Variants in KCND3 observed in about 807,000 individuals in gnomAD.
KCND3 encodes the protein A-type voltage-gated potassium channel KCND3.
A neutral mutation model predicts 51.1 loss-of-function variants in KCND3; 9 were observed. The ratio of observed to expected loss-of-function variants is 0.18; its 90% CI spans 0.11 to 0.31. KCND3 has a LOEUF of 0.31. Among genes scored for constraint, KCND3 ranks in the 10% least tolerant of loss-of-function variants. KCND3 has a pLI of 1.00. For missense variants in KCND3, 526 were observed against 903.8 expected (o/e 0.58, Z 5.36); for synonymous variants, 349 against 368.0 (o/e 0.95, Z 0.59).
chr1:111,932,161 T>C (rs1672005731), intron 2 of KCND3, among the ~76,000 whole-genome samples: 1 of 152,214 alleles, frequency 6.6e-6, no homozygotes, highest in African/African-American at 2.4e-5. Context: ...TGGGCCCACC[T>C]GGATAACCCA....
At chr1:111,907,927 T>C (rs538726234) in intron 2 of KCND3, among the ~76,000 whole-genome samples, 1 of 152,142 alleles carries the variant, frequency 6.6e-6, no homozygotes, top group Non-Finnish European at 1.5e-5. Flanking sequence ...CAGAACACAC[T>C]GCCTGTCTTA....
rs141406771 is a variant in KCND3, at chr1:111,842,953, G to A, written c.1107-55847C>T. 5.4e-3 allele frequency among the ~76,000 whole-genome samples: 829 copies of A among 152,308 alleles called. 13 individuals carry two copies. The highest frequency in any genetic ancestry group is 0.019 in the African/African-American group (785 of 41,558). On this transcript the variant is annotated intron_variant, in intron 2 of 7. Transcript: ENST00000302127. ...ATCTTGAGGGCAAAGATTATGCTAT[G>A]TTTATTTTTGGCATGGTTAGCATCT...
chr1:111,866,439 AT>A (rs1369856075), intron 2 of KCND3, among the ~76,000 whole-genome samples: 1 of 151,368 alleles, frequency 6.6e-6, no homozygotes, highest in Non-Finnish European at 1.5e-5. Flanking sequence ...CAATTTTTGT[AT>A]TTTTTGTAGA....
chr1:111,841,566 C>T (rs10857910), intron 2 of KCND3, among the ~76,000 whole-genome samples: 18,682 of 152,240 alleles, frequency 0.12, 1,573 homozygotes, highest in East Asian at 0.42. Context: ...GTTAAATTCT[C>T]TGAGGTGTCT....
chr1:111,860,169 A>G (rs1668268068), intron 2 of KCND3, among the ~76,000 whole-genome samples: 1 of 152,248 alleles, frequency 6.6e-6, no homozygotes, highest in Admixed American at 6.5e-5. Context: ...CTGAGCATGT[A>G]CTTAGTGCCA....
intron 2 of KCND3, among the ~76,000 whole-genome samples, chr1:111,797,193 T>A (rs1333705562): frequency 1.3e-5 from 2 of 152,226 alleles, no homozygotes; most frequent in Non-Finnish European, 2.9e-5. Flanking sequence ...ATGTTGGTGA[T>A]CTGGGGACTA....
At chr1:111,802,314 G>A (rs17028581) in intron 2 of KCND3, among the ~76,000 whole-genome samples, 8,435 of 152,160 alleles carry the variant, frequency 0.055, 755 homozygotes, top group African/African-American at 0.19. Context: ...TGAAAGCACC[G>A]CCTGCTCCTC....
At chr1:111,844,196 T>C (rs1667451193) in intron 2 of KCND3, among the ~76,000 whole-genome samples, 2 of 152,100 alleles carry the variant, frequency 1.3e-5, no homozygotes, top group African/African-American at 4.8e-5. Context: ...GGGAAGAACA[T>C]GAGATGAAAG....
intron 2 of KCND3, among the ~76,000 whole-genome samples, chr1:111,947,401 C>T (rs4839192): frequency 0.99 from 151,409 of 152,374 alleles, 75,232 homozygotes; most frequent in Middle Eastern, 1. Flanking sequence ...AGAACATTTC[C>T]ACAGCACTTT....
chr1:111,967,689 C>T (rs1052072710), intron 2 of KCND3, among the ~76,000 whole-genome samples: 2 of 152,226 alleles, frequency 1.3e-5, no homozygotes, highest in African/African-American at 4.8e-5. Context: ...GGGGCTGGTT[C>T]TCCAGGGTAA....
At chr1:111,810,796 A>ATTT (rs1170746177) in intron 2 of KCND3, among the ~76,000 whole-genome samples, 1 of 152,020 alleles carries the variant, frequency 6.6e-6, no homozygotes, top group Non-Finnish European at 1.5e-5. Context: ...ACTTGGCTAT[A>ATTT]TTTTTTTTCC....
intron 2 of KCND3, among the ~76,000 whole-genome samples, chr1:111,788,719 T>G (rs574009305): frequency 4.7e-4 from 71 of 152,276 alleles, no homozygotes; most frequent in Middle Eastern, 3.4e-3. Context: ...TCCAGGGAAG[T>G]GGTTGAGAAC....
At chr1:111,878,146 G>C (rs944353347) in intron 2 of KCND3, among the ~76,000 whole-genome samples, 1 of 152,204 alleles carries the variant, frequency 6.6e-6, no homozygotes, top group Non-Finnish European at 1.5e-5. Context: ...CTTGCCTCTG[G>C]GTTAGTGGAA....
Position 111,808,054 on chromosome 1 carries a change from T to C in KCND3, c.1107-20948A>G, listed in dbSNP as rs1665662229. ...TTAAGTAAGCAACGAATGGGTTTAT[T>C]AAATGCTAAATAAACACAGCTGAAG... On this transcript the variant is annotated intron_variant, in intron 2 of 7. Coordinates refer to ENST00000302127, the MANE Select transcript of KCND3 (RefSeq NM_001378969.1). Among the ~76,000 whole-genome samples, 2 of 152,226 alleles carry C rather than the reference T, an allele frequency of 1.3e-5. 1 individual carries two copies. The highest frequency in any genetic ancestry group is 4.8e-5 in the African/African-American group (2 of 41,468).
In KCND3 at chr1:111,780,971, A is replaced by G. The variant is rs530426245; in HGVS notation, c.1270-180T>C. On this transcript the variant is annotated intron_variant, in intron 3 of 7. Transcript: ENST00000302127. This position sits in a 1 kb window ranked among gnomAD's most constrained non-coding sequence, Gnocchi z 4.2. Reference sequence around the variant, plus strand: ...ACTTTGTATAGCTTGGTTGGGTCAGAATTCCCAGGAGTCTCCACTCATCTC... The same window carrying G: ...ACTTTGTATAGCTTGGTTGGGTCAGGATTCCCAGGAGTCTCCACTCATCTC... Among the ~76,000 whole-genome samples, 2 of 152,304 alleles carry G rather than the reference A, an allele frequency of 1.3e-5. No individual in the cohort carries two copies. Among genetic ancestry groups the G allele is most frequent in the East Asian group, 3.9e-4 (2 of 5,174 alleles).
intron 2 of KCND3, among the ~76,000 whole-genome samples, chr1:111,884,629 C>T (rs940196794): frequency 6.6e-6 from 1 of 152,164 alleles, no homozygotes; most frequent in African/African-American, 2.4e-5. Context: ...GGAGCAGTCC[C>T]CCAAATCTGG....
intron 2 of KCND3, among the ~76,000 whole-genome samples, chr1:111,955,080 T>A (rs1322558741): frequency 6.6e-6 from 1 of 152,194 alleles, no homozygotes; most frequent in Non-Finnish European, 1.5e-5. Context: ...TGCCTCTATT[T>A]CTCTACTTCC....
At chr1:111,986,082 A>T (rs1369403191) in intron 1 of KCND3, among the ~76,000 whole-genome samples, 1 of 152,192 alleles carries the variant, frequency 6.6e-6, no homozygotes, top group Non-Finnish European at 1.5e-5. Context: ...TAGGAGACTT[A>T]GTAGTTCCTC....
chr1:111,911,284 A>T (rs1670932647), intron 2 of KCND3, among the ~76,000 whole-genome samples: 1 of 152,220 alleles, frequency 6.6e-6, no homozygotes, highest in Admixed American at 6.5e-5. Context: ...TCAGTGTGGG[A>T]GCCAGACAGC....
Sources: allele counts gnomAD v4.1 joint callset (sites outside exome capture counted in the v4.1 genomes callset), GRCh38; gene constraint gnomAD v4.1.1; non-coding constraint Gnocchi (gnomAD v3.1); transcripts MANE v1.5; gene names NCBI Gene and HGNC (gene_info 2026-07-23, HGNC 2026-07-21).